Variants in TRPC4 observed in about 807,000 individuals in gnomAD.
The protein encoded by TRPC4 is transient receptor potential cation channel subfamily C member 4.
In TRPC4, 49 loss-of-function variants were observed where a neutral mutation model predicts 99.4. The observed-to-expected ratio is 0.49, with a 90% CI of 0.39 to 0.63. The LOEUF (loss-of-function observed/expected upper bound fraction) is 0.63. Among genes scored for constraint, TRPC4 ranks in the 20% least tolerant of loss-of-function variants. The probability of loss-of-function intolerance (pLI) is 0.00; values close to 1 mark genes in which losing one functional copy is unlikely to be tolerated. For synonymous variants in TRPC4, 454 were observed against 425.9 expected, an observed-to-expected ratio of 1.07 and a Z score of -0.81; for missense variants, 898 against 1,152.9, an observed-to-expected ratio of 0.78 and a Z score of 3.20.
At chr13:37,867,795 A>G (rs1392975629) in intron 1 of TRPC4, among the ~76,000 whole-genome samples, 1 of 152,124 alleles carries the variant, frequency 6.6e-6, no homozygotes, top group Non-Finnish European at 1.5e-5. Context: ...AAATGATGTA[A>G]TAGTTTATAA....
chr13:37,644,745 C>A (rs1593421017), intron 8 of TRPC4, among the ~76,000 whole-genome samples: 1 of 151,652 alleles, frequency 6.6e-6, no homozygotes, highest in South Asian at 2.1e-4. Context: ...TGGTGGCAAG[C>A]GCCTGTAGTC....
At chr13:37,837,877 A>C (rs910550301) in intron 1 of TRPC4, among the ~76,000 whole-genome samples, 6 of 152,096 alleles carry the variant, frequency 3.9e-5, no homozygotes, top group African/African-American at 7.2e-5. Flanking sequence ...ATGTTGTGGG[A>C]GGGACCCAGT....
At chr13:37,713,187 T>G (rs1954540721) in intron 3 of TRPC4, among the ~76,000 whole-genome samples, 1 of 152,192 alleles carries the variant, frequency 6.6e-6, no homozygotes, top group Non-Finnish European at 1.5e-5. Flanking sequence ...TGATTGGGCC[T>G]TCCTGGGTGA....
intron 2 of TRPC4, among the ~76,000 whole-genome samples, chr13:37,758,562 G>T (rs1026992603): frequency 5.3e-5 from 8 of 151,580 alleles, no homozygotes; most frequent in African/African-American, 1.9e-4. Flanking sequence ...AATAAGATTA[G>T]AAAATAAAAT....
intron 7 of TRPC4, among the ~76,000 whole-genome samples, chr13:37,653,799 C>T (rs537502222): frequency 2.6e-5 from 4 of 152,194 alleles, no homozygotes; most frequent in African/African-American, 9.6e-5. Context: ...CTGGCAGCTT[C>T]CTTGTATCTA....
intron 1 of TRPC4, among the ~76,000 whole-genome samples, chr13:37,848,964 A>G (rs530222211): frequency 2.6e-5 from 4 of 152,276 alleles, no homozygotes; most frequent in African/African-American, 9.6e-5. Context: ...TAATATGCCT[A>G]AAGTCCTGCA....
At chr13:37,866,334 G>A (rs1196278385) in intron 1 of TRPC4, among the ~76,000 whole-genome samples, 1 of 151,540 alleles carries the variant, frequency 6.6e-6, no homozygotes, top group African/African-American at 2.4e-5. Flanking sequence ...ATATTAATAG[G>A]ATATTACATA....
intron 1 of TRPC4, among the ~76,000 whole-genome samples, chr13:37,832,738 T>TA (rs964498243): frequency 6.6e-6 from 1 of 152,032 alleles, no homozygotes; most frequent in Admixed American, 6.6e-5. Context: ...TTATATTGAA[T>TA]AAAAAATAAG....
rs376723170 is a variant in TRPC4, at chr13:37,649,760, ACAAC to A, written c.2079+1501_2079+1504del. On this transcript the variant is annotated intron_variant, in intron 8 of 10. Coordinates refer to ENST00000379705, the MANE Select transcript of TRPC4 (RefSeq NM_016179.4). ...AAAAAAAAAAAAAAAAAAAAAAAAAACAACAACAAAGAACTAAGCTATTACATTT... is the reference window on the plus strand; with the variant it reads ...AAAAAAAAAAAAAAAAAAAAAAAAAAAACAAAGAACTAAGCTATTACATTT... 8.4e-4 allele frequency among the ~76,000 whole-genome samples: 55 copies of A among 65,282 alleles called. 1 individual carries two copies. In the East Asian group the frequency reaches 0.01, roughly 12 times the overall value. The allele number at this position is 65,282 out of a possible 152,430, so 42.8% of individuals were successfully genotyped here. A position where few individuals can be genotyped will look rare whatever the true frequency, so the allele number is the denominator to read the frequency against.
At chr13:37,728,541 A>G (rs1955135556) in intron 3 of TRPC4, among the ~76,000 whole-genome samples, 1 of 152,104 alleles carries the variant, frequency 6.6e-6, no homozygotes. Context: ...GAAGACATGC[A>G]TAAATTGAAA....
At chr13:37,867,330 A>C (rs1014503935) in intron 1 of TRPC4, among the ~76,000 whole-genome samples, 12 of 152,000 alleles carry the variant, frequency 7.9e-5, no homozygotes, top group Admixed American at 2.0e-4. Flanking sequence ...CAGAAAAGAG[A>C]AATTATTTCA....
intron 1 of TRPC4, among the ~76,000 whole-genome samples, chr13:37,845,656 C>T (rs1176558061): frequency 6.6e-6 from 1 of 151,238 alleles, no homozygotes; most frequent in African/African-American, 2.4e-5. Flanking sequence ...TGAAGAGGGT[C>T]TATAGGAATT....
chr13:37,668,480 T>C (rs777942595), intron 5 of TRPC4, among the ~76,000 whole-genome samples: 1 of 152,170 alleles, frequency 6.6e-6, no homozygotes, highest in Non-Finnish European at 1.5e-5. Context: ...AGAATATGGA[T>C]CATTTTTATA....
At chr13:37,649,862 A>T (rs532442308) in intron 8 of TRPC4, among the ~76,000 whole-genome samples, 1 of 152,242 alleles carries the variant, frequency 6.6e-6, no homozygotes, top group African/African-American at 2.4e-5. Context: ...GGTCAGTGAT[A>T]AAGTTCATAA....
intron 1 of TRPC4, among the ~76,000 whole-genome samples, chr13:37,828,223 C>T (rs182276943): frequency 6.6e-6 from 1 of 152,310 alleles, no homozygotes; most frequent in East Asian, 1.9e-4. Flanking sequence ...ATGCAGAAAT[C>T]ACCCGTCTTC....
chr13:37,722,231 T>C (rs1566121292), intron 3 of TRPC4, among the ~76,000 whole-genome samples: 1 of 152,142 alleles, frequency 6.6e-6, no homozygotes, highest in African/African-American at 2.4e-5. Flanking sequence ...TATATTTTAC[T>C]CTTCCCCGAC....
At chr13:37,842,369 A>G (rs1449618116) in intron 1 of TRPC4, among the ~76,000 whole-genome samples, 1 of 131,448 alleles carries the variant, frequency 7.6e-6, no homozygotes, top group Non-Finnish European at 1.6e-5. Context: ...AAAAAAAAAA[A>G]AGGAAAAGGA....
intron 1 of TRPC4, among the ~76,000 whole-genome samples, chr13:37,827,400 G>T (rs570909858): frequency 7.2e-4 from 109 of 152,246 alleles, no homozygotes; most frequent in Non-Finnish European, 1.3e-3. Context: ...CTATCTTGTG[G>T]TTTTATCTAC....
intron 3 of TRPC4, among the ~76,000 whole-genome samples, chr13:37,692,670 CTATATACACA>C (rs1454531005): frequency 6.6e-6 from 1 of 152,100 alleles, no homozygotes; most frequent in Non-Finnish European, 1.5e-5. Flanking sequence ...AGATACACAC[CTATATACACA>C]TATATAAGAA....
Sources: allele counts gnomAD v4.1 joint callset (sites outside exome capture counted in the v4.1 genomes callset), GRCh38; gene constraint gnomAD v4.1.1; transcripts MANE v1.5; gene names NCBI Gene and HGNC (gene_info 2026-07-23, HGNC 2026-07-21).